Variants in TMEM135 observed in about 807,000 individuals in gnomAD.
TMEM135 encodes the protein peroxisomal membrane protein 52.
TMEM135 carries 30 observed loss-of-function variants against 60.3 expected under a neutral mutation model. The ratio of observed to expected loss-of-function variants is 0.50; its 90% CI spans 0.37 to 0.68. TMEM135 has a LOEUF of 0.68. Ranked by LOEUF, TMEM135 falls within the 30% of genes least tolerant of loss-of-function variation. The pLI is 0.00. For missense variants in TMEM135, 468 were observed against 548.8 expected (o/e 0.85, Z 1.47); for synonymous variants, 190 against 186.7 (o/e 1.02, Z -0.14).
chr11:87,297,190 G>A (rs1263702732), intron 7 of TMEM135, among the ~76,000 whole-genome samples: 4 of 152,170 alleles, frequency 2.6e-5, no homozygotes, highest in South Asian at 4.1e-4. Flanking sequence ...GAGTGAAAAT[G>A]AGGACTGATA....
chr11:87,300,368 G>T (rs551396779), intron 7 of TMEM135, among the ~76,000 whole-genome samples: 248 of 152,286 alleles, frequency 1.6e-3, no homozygotes, highest in African/African-American at 5.4e-3. Context: ...AGACTCTGAA[G>T]GTGCGCTAGC....
intron 12 of TMEM135, among the ~76,000 whole-genome samples, chr11:87,317,083 T>C (rs1223326715): frequency 6.6e-6 from 1 of 152,044 alleles, no homozygotes; most frequent in African/African-American, 2.4e-5. Flanking sequence ...CAAATGCATG[T>C]ATTTATTTAG....
At chr11:87,159,593 G>GCGCACACACA (rs56665411) in intron 5 of TMEM135, among the ~76,000 whole-genome samples, 2 of 124,880 alleles carry the variant, frequency 1.6e-5, no homozygotes, top group African/African-American at 5.7e-5. Context: ...ACACACACGC[G>GCGCACACACA]CACACACACA....
At chr11:87,149,467 G>A (rs477944) in intron 4 of TMEM135, among the ~76,000 whole-genome samples, 55,890 of 151,976 alleles carry the variant, frequency 0.37, 10,813 homozygotes, top group East Asian at 0.67. Flanking sequence ...GTCAGGGAAA[G>A]GGAGAGGAAG....
intron 5 of TMEM135, among the ~76,000 whole-genome samples, chr11:87,189,737 T>C (rs1939751170): frequency 7.1e-6 from 1 of 140,240 alleles, no homozygotes; most frequent in Non-Finnish European, 1.5e-5. Flanking sequence ...GGGCTCAACA[T>C]AGTGAGATCC....
chr11:87,201,950 T>TTTATGTTATGTTATG (rs71040298), intron 5 of TMEM135, among the ~76,000 whole-genome samples: 3,258 of 137,892 alleles, frequency 0.024, 70 homozygotes, highest in Non-Finnish European at 0.032. Context: ...GTATTTATTT[T>TTTATGTTATGTTATG]TTATGTTATG....
intron 1 of TMEM135, among the ~76,000 whole-genome samples, chr11:87,056,433 TC>T (rs1468525182): frequency 6.6e-6 from 1 of 152,220 alleles, no homozygotes; most frequent in African/African-American, 2.4e-5. Context: ...GCTTTCTTTT[TC>T]TGTGCTCTTT....
chr11:87,089,977 A>G (rs1857172770), intron 3 of TMEM135, among the ~76,000 whole-genome samples: 1 of 152,068 alleles, frequency 6.6e-6, no homozygotes, highest in Admixed American at 6.6e-5. Context: ...GGTTTCTGCC[A>G]TGTTCGTTTG....
In TMEM135 at chr11:87,115,175, G is replaced by A. The variant is rs146956155; in HGVS notation, c.396+23780G>A. The stretch of plus-strand genomic sequence containing the variant: ...TTGTTTAATTTTATTTAAGAAATTT[G>A]TGTAGGCCAAACCTTAAGAAACATC... On this transcript the variant is annotated intron_variant, in intron 4 of 14. Coordinates refer to ENST00000305494, the MANE Select transcript of TMEM135 (RefSeq NM_022918.4). 4.7e-4 allele frequency among the ~76,000 whole-genome samples: 71 copies of A among 152,182 alleles called. 1 individual carries two copies. Among genetic ancestry groups the A allele is most frequent in the Admixed American group, 1.5e-3 (23 of 15,282 alleles).
intron 14 of TMEM135, 70 bp from the exon 15 acceptor site, chr11:87,321,131 T>C (rs1942812151): frequency 2.2e-6 from 3 of 1,393,610 alleles, no homozygotes; most frequent in Non-Finnish European, 2.9e-6. Flanking sequence ...ATAAGATAAG[T>C]CAACTAAAAT....
intron 5 of TMEM135, among the ~76,000 whole-genome samples, chr11:87,223,044 T>A (rs1940678323): frequency 6.6e-6 from 1 of 152,204 alleles, no homozygotes; most frequent in East Asian, 1.9e-4. Context: ...TATGGTCAGT[T>A]GTTTCCTTGC....
At chr11:87,111,967 A>G (rs1437961550) in intron 4 of TMEM135, among the ~76,000 whole-genome samples, 6 of 152,178 alleles carry the variant, frequency 3.9e-5, no homozygotes, top group Non-Finnish European at 1.5e-5. Flanking sequence ...TTACTCTGCT[A>G]TTGTAGCCTA....
chr11:87,198,775 G>A (rs988686906), intron 5 of TMEM135, among the ~76,000 whole-genome samples: 1 of 151,652 alleles, frequency 6.6e-6, no homozygotes, highest in Non-Finnish European at 1.5e-5. Context: ...TATACCAGGT[G>A]TTAGAGACAA....
chr11:87,096,593 G>T (rs924128718), intron 4 of TMEM135: 1 of 152,046 alleles, frequency 6.6e-6, no homozygotes, highest in Non-Finnish European at 1.5e-5. Context: ...CACCTTTTTT[G>T]AATACTGATA....
intron 1 of TMEM135, among the ~76,000 whole-genome samples, chr11:87,058,308 A>G (rs1949912672): frequency 6.7e-6 from 1 of 150,066 alleles, no homozygotes; most frequent in Non-Finnish European, 1.5e-5. Flanking sequence ...GTTTGTTACA[A>G]CAAATAATTC....
intron 6 of TMEM135, among the ~76,000 whole-genome samples, chr11:87,260,287 G>C (rs543459054): frequency 6.6e-6 from 1 of 152,094 alleles, no homozygotes; most frequent in Non-Finnish European, 1.5e-5. Context: ...TGTTGTATTT[G>C]ATAATTCCAA....
At chr11:87,256,115 C>A (rs1429606933) in intron 6 of TMEM135, among the ~76,000 whole-genome samples, 2 of 152,040 alleles carry the variant, frequency 1.3e-5, no homozygotes, top group African/African-American at 4.8e-5. Flanking sequence ...TAATGGATGT[C>A]TTTTAAAATG....
intron 7 of TMEM135, among the ~76,000 whole-genome samples, chr11:87,299,292 G>A (rs1942404405): frequency 6.6e-6 from 1 of 152,178 alleles, no homozygotes; most frequent in African/African-American, 2.4e-5. Context: ...CATGGCAGAA[G>A]GCCAAGAGGA....
chr11:87,170,798 C>G (rs1340548200), intron 5 of TMEM135, among the ~76,000 whole-genome samples: 1 of 152,134 alleles, frequency 6.6e-6, no homozygotes, highest in East Asian at 1.9e-4. Flanking sequence ...CACTTTGTCC[C>G]TTAGCAGAGC....
Sources: gnomAD v4.1 joint callset for allele counts (sites outside exome capture counted in the v4.1 genomes callset) on GRCh38, gnomAD v4.1.1 for gene constraint, MANE v1.5 for transcripts, NCBI Gene and HGNC (gene_info 2026-07-23, HGNC 2026-07-21) for gene names.